The following PMM1 variants were observed in gnomAD, a reference collection of about 807,000 sequenced individuals.
PMM1 encodes phosphomannomutase 1.
In PMM1, 25 loss-of-function variants were observed where a neutral mutation model predicts 34.0. The ratio of observed to expected loss-of-function variants is 0.73; its 90% CI spans 0.54 to 1.03. The LOEUF (loss-of-function observed/expected upper bound fraction) is 1.03. Among genes scored for constraint, PMM1 ranks in the 50% least tolerant of loss-of-function variants. The pLI is 0.00. For missense variants in PMM1, 321 were observed against 350.1 expected, an observed-to-expected ratio of 0.92 and a Z score of 0.66; for synonymous variants, 134 against 143.9, an observed-to-expected ratio of 0.93 and a Z score of 0.49.
intron 2 of PMM1, 146 bp from the exon 3 acceptor site, chr22:41,584,749 C>G: frequency 1.6e-6 from 1 of 607,906 alleles, no homozygotes; most frequent in Non-Finnish European, 2.9e-6. Context: ...ACCTGCTTCT[C>G]CAGCCTTTCT....
At position 41,588,567 on chromosome 22, in the gene PMM1, C is replaced by G. The variant is rs927938899; in HGVS notation, c.87+1152G>C. Reference sequence around the variant, plus strand: ...ACGGGGTTTCACCATGTTAGCCAGACTGATCTAGAATTCCTGACCTCAGGT... The same window carrying G: ...ACGGGGTTTCACCATGTTAGCCAGAGTGATCTAGAATTCCTGACCTCAGGT... On this transcript the variant is annotated intron_variant, in intron 1 of 7. Transcript: ENST00000216259. The G allele has an allele frequency of 2.0e-5, 16 of 795,368 alleles. No homozygotes were observed. In the East Asian group the frequency reaches 1.7e-3, roughly 82 times the overall value. 49.3% of individuals were successfully genotyped at this position (795,368 alleles called of 1,614,324 possible).
At chr22:41,584,711 AAGGCC>A in intron 2 of PMM1, 108 bp from the exon 3 acceptor site, 1 of 748,510 alleles carries the variant, frequency 1.3e-6, no homozygotes, top group Non-Finnish European at 2.2e-6. Flanking sequence ...TTCACATTCA[AAGGCC>A]ATTTGTTCAA....
chr22:41,589,482 G>T, intron 1 of PMM1: 4 of 590,234 alleles, frequency 6.8e-6, no homozygotes, highest in Non-Finnish European at 1.2e-5. Context: ...TCCAGTACTG[G>T]ATCCAACCCC....
intron 3 of PMM1, 60 bp downstream of exon 3, chr22:41,584,467 T>G: frequency 1.9e-6 from 3 of 1,574,120 alleles, no homozygotes; most frequent in Non-Finnish European, 2.6e-6. Context: ...AGAAGCCCCC[T>G]TGGACTGCTC....
intron 7 of PMM1, 146 bp downstream of exon 7, chr22:41,577,662 G>T: frequency 1.3e-6 from 1 of 759,992 alleles, no homozygotes; most frequent in Non-Finnish European, 2.2e-6. Flanking sequence ...GTGAGCAATG[G>T]TTGTTCTCCA....
intron 2 of PMM1, 85 bp from the exon 3 acceptor site, chr22:41,584,688 C>G: frequency 1.1e-5 from 11 of 970,972 alleles, no homozygotes; most frequent in Non-Finnish European, 1.7e-5. Context: ...GAGAGGAAGC[C>G]TACACCCTTG....
At chr22:41,581,820 C>G (rs991368503) in intron 5 of PMM1, among the ~76,000 whole-genome samples, 1 of 152,150 alleles carries the variant, frequency 6.6e-6, no homozygotes, top group Admixed American at 6.6e-5. Context: ...AACCCCGTCT[C>G]TACTAAAAAT....
chr22:41,578,722 C>A, intron 6 of PMM1, 84 bp downstream of exon 6: 1 of 1,168,982 alleles, frequency 8.6e-7, no homozygotes. Flanking sequence ...CTACTGGGGG[C>A]CACAGCCTGG....
At chr22:41,582,495 G>A (rs933167850) in intron 5 of PMM1, among the ~76,000 whole-genome samples, 3 of 152,164 alleles carry the variant, frequency 2.0e-5, no homozygotes, top group Non-Finnish European at 2.9e-5. Flanking sequence ...TATGCCATGT[G>A]CCAAGCATAG....
Position 41,584,073 on chromosome 22 carries a change from G to C in PMM1, c.375-15C>G, listed in dbSNP as rs1400806173. On this transcript the variant is annotated splice_polypyrimidine_tract_variant and intron_variant, in intron 4 of 7. Coordinates refer to ENST00000216259, the MANE Select transcript of PMM1 (RefSeq NM_002676.3). ...TGAAGGTTCCACTGGTGGTGAGGGA[G>C]GGCGGGGAGCCAGAGAGAACCAGAA... The C allele has an allele frequency of 1.3e-6, 2 of 1,593,888 alleles. No individual in the cohort carries two copies. Among genetic ancestry groups the C allele is most frequent in the East Asian group, 4.5e-5 (2 of 44,766 alleles).
intron 1 of PMM1, among the ~76,000 whole-genome samples, chr22:41,587,271 A>G (rs1421370984): frequency 2.1e-5 from 3 of 144,614 alleles, no homozygotes; most frequent in Non-Finnish European, 4.6e-5. Flanking sequence ...CTCCGTCTCA[A>G]AAAAAAAAAG....
chr22:41,589,816 C>T lies in PMM1; in HGVS notation c.-11G>A. 1 of 1,598,890 alleles carries T rather than the reference C, an allele frequency of 6.3e-7. No homozygotes were observed. The highest frequency in any genetic ancestry group is 1.9e-4 in the Middle Eastern group (1 of 5,320). ...GGCGGTGACTGCCATGGCTGCAGGT[C>T]CGCGCGCGGGGCGGAGTCCCGAAGA... is the stretch of plus-strand genomic sequence containing the variant. On this transcript the variant is annotated 5_prime_UTR_variant, in exon 1 of 8. Coordinates refer to ENST00000216259, the MANE Select transcript of PMM1 (RefSeq NM_002676.3).
At chr22:41,578,258 G>A (rs75683900) in intron 6 of PMM1, among the ~76,000 whole-genome samples, 4,562 of 152,246 alleles carry the variant, frequency 0.03, 225 homozygotes, top group African/African-American at 0.1. Context: ...TCCCAGCAAC[G>A]GAGGAGGCCA....
rs1282993396 is a variant in PMM1, at chr22:41,577,795, G to A, written c.666+13C>T. 2 of 1,590,302 alleles carry A rather than the reference G, an allele frequency of 1.3e-6. No individual in the cohort carries two copies. The highest frequency in any genetic ancestry group is 2.2e-5 in the South Asian group (2 of 90,628). Reference sequence around the variant, plus strand: ...CACTGCGTTAGGGGAAACCTGGGGTGGGCCACACTCACAGGGCTAGTCTCG... The same window carrying A: ...CACTGCGTTAGGGGAAACCTGGGGTAGGCCACACTCACAGGGCTAGTCTCG... On this transcript the variant is annotated intron_variant, in intron 7 of 7. Transcript: ENST00000216259.
At chr22:41,587,557 G>A (rs2067326104) in intron 1 of PMM1, among the ~76,000 whole-genome samples, 1 of 151,542 alleles carries the variant, frequency 6.6e-6, no homozygotes, top group Non-Finnish European at 1.5e-5. Flanking sequence ...GGAGTTCGAG[G>A]CTGCAGTGAG....
At chr22:41,579,169 G>A (rs1212568155) in intron 5 of PMM1, 7 of 407,268 alleles carry the variant, frequency 1.7e-5, no homozygotes, top group Non-Finnish European at 2.8e-5. Context: ...GAAGGGCGAG[G>A]AGACGGGGCA....
chr22:41,587,939 A>G (rs1487191005), intron 1 of PMM1, among the ~76,000 whole-genome samples: 1 of 152,272 alleles, frequency 6.6e-6, no homozygotes, highest in Non-Finnish European at 1.5e-5. Context: ...TGGCCCGTAG[A>G]CAAATTAATA....
chr22:41,586,165 A>C lies in PMM1; in HGVS notation c.116T>G (p.Leu39Arg). 1 of 1,611,900 alleles carries C rather than the reference A, an allele frequency of 6.2e-7. No homozygotes were observed. Among genetic ancestry groups the C allele is most frequent in the Non-Finnish European group, 8.5e-7 (1 of 1,179,634 alleles). ...QKIDPEVAAF[L>R]QKLRSRVQIG... ...CTGCACTCTACTTCGTAGCTTCTGC[A>C]GGAAGGCGGCCACCTCAGGGTCAAT... Residue 39 changes from leucine (L) to arginine (R), a missense_variant, in exon 2 of 8, where the codon CTG (leucine) becomes CGG (arginine). Leu to Arg is a moderately radical substitution (Grantham distance 102). Coordinates refer to ENST00000216259, the MANE Select transcript of PMM1 (RefSeq NM_002676.3).
rs376284083 is a variant in PMM1, at chr22:41,584,575, G to A, written c.234C>T (p.Ala78=). 4.9e-5 allele frequency: 79 copies of A among 1,613,836 alleles called. 1 individual carries two copies. The highest frequency in any genetic ancestry group is 1.6e-4 in the South Asian group (15 of 91,048). The change falls in exon 3 of 8, where the codon GCC becomes GCT. Residue 78 remains alanine, a synonymous_variant. Coordinates refer to ENST00000216259, the MANE Select transcript of PMM1 (RefSeq NM_002676.3). ...EVIEKFDYVF[A]ENGTVQYKHG... is the part of the protein sequence containing the mutation. ...GCTTATACTGCACCGTCCCGTTCTC[G>A]GCAAACACATAATCAAACTTCTCAA...
Sources: gnomAD v4.1 joint callset for allele counts (sites outside exome capture counted in the v4.1 genomes callset) on GRCh38, gnomAD v4.1.1 for gene constraint, MANE v1.5 for transcripts, NCBI Gene and HGNC (gene_info 2026-07-23, HGNC 2026-07-21) for gene names.